MKLN1: variants seen among roughly 807,000 people sequenced by gnomAD.
MKLN1 encodes the protein muskelin 1.
Under a neutral mutation model 99.0 loss-of-function variants are expected in MKLN1, and 18 were observed. The observed-to-expected ratio is 0.18, with a 90% confidence interval of 0.13 to 0.27. The LOEUF (loss-of-function observed/expected upper bound fraction) is 0.27, where lower values mean the gene tolerates loss of function less well. Ranked by LOEUF, MKLN1 falls within the 10% of genes least tolerant of loss-of-function variation. The pLI is 1.00. For missense variants in MKLN1, 621 were observed against 875.9 expected (o/e 0.71, Z 3.67); for synonymous variants, 288 against 293.2 (o/e 0.98, Z 0.18).
At chr7:131,166,326 A>G (rs1011715959) in intron 2 of MKLN1, among the ~76,000 whole-genome samples, 6 of 152,176 alleles carry the variant, frequency 3.9e-5, no homozygotes, top group African/African-American at 1.4e-4. Context: ...TTTCGAGCAC[A>G]TTTAGCCCAT....
chr7:131,397,104 C>T (rs1342695351), intron 4 of MKLN1, among the ~76,000 whole-genome samples, 163 bp from the exon 5 acceptor site: 18 of 152,248 alleles, frequency 1.2e-4, no homozygotes, highest in Admixed American at 9.2e-4. Context: ...TCATCTGTTT[C>T]GTTTTACTGT....
At chr7:131,297,394 ATATATATACACAAATACTCTGTGTGTG>A (rs1377236924) in intron 3 of MKLN1, among the ~76,000 whole-genome samples, 2 of 137,464 alleles carry the variant, frequency 1.5e-5, no homozygotes, top group African/African-American at 5.3e-5. Flanking sequence ...GTGTGTGTGT[ATATATATACACAAATACTCTGTGTGTG>A]TGTGTGTACA....
intron 4 of MKLN1, among the ~76,000 whole-genome samples, chr7:131,395,508 T>C (rs1794334784): frequency 6.6e-6 from 1 of 150,616 alleles, no homozygotes; most frequent in African/African-American, 2.5e-5. Flanking sequence ...TTACTGCCAG[T>C]GTATGGTGGT....
chr7:131,315,475 G>C (rs1025879326), intron 3 of MKLN1, among the ~76,000 whole-genome samples: 1 of 152,198 alleles, frequency 6.6e-6, no homozygotes, highest in African/African-American at 2.4e-5. Flanking sequence ...AAACCAGGAG[G>C]CTGTTTGGGC....
intron 3 of MKLN1, among the ~76,000 whole-genome samples, chr7:131,229,700 C>A (rs1797213258): frequency 6.6e-6 from 1 of 152,114 alleles, no homozygotes; most frequent in Non-Finnish European, 1.5e-5. Flanking sequence ...GGACCACAAG[C>A]CCACGCCTCC....
At chr7:131,288,392 G>A (rs183131705) in intron 3 of MKLN1, among the ~76,000 whole-genome samples, 8 of 152,214 alleles carry the variant, frequency 5.3e-5, no homozygotes, top group South Asian at 2.1e-4. Context: ...CTCAGTATCC[G>A]CTTAAGTTCC....
At chr7:131,190,822 A>C (rs1354412680) in intron 2 of MKLN1, among the ~76,000 whole-genome samples, 1 of 152,090 alleles carries the variant, frequency 6.6e-6, no homozygotes, top group Non-Finnish European at 1.5e-5. Flanking sequence ...AGAGACTGGT[A>C]GTGGAAAATG....
At chr7:131,287,056 C>T (rs979695757) in intron 3 of MKLN1, among the ~76,000 whole-genome samples, 5 of 152,212 alleles carry the variant, frequency 3.3e-5, no homozygotes, top group South Asian at 2.1e-4. Flanking sequence ...GAGCCACAAT[C>T]GTGCCATTGC....
At chr7:131,250,936 A>AT (rs61277190) in intron 3 of MKLN1, among the ~76,000 whole-genome samples, 31 of 148,788 alleles carry the variant, frequency 2.1e-4, no homozygotes, top group South Asian at 1.3e-3. Flanking sequence ...TGGGAAGTTA[A>AT]TTTTTTTTTT....
At chr7:131,309,084 G>A (rs1426975141) in intron 3 of MKLN1, among the ~76,000 whole-genome samples, 3 of 152,202 alleles carry the variant, frequency 2.0e-5, no homozygotes, top group Non-Finnish European at 4.4e-5. Flanking sequence ...CGAATTGCAA[G>A]GGAACTAGAC....
At chr7:131,128,741 A>T (rs1795502138) in intron 1 of MKLN1, among the ~76,000 whole-genome samples, 1 of 150,096 alleles carries the variant, frequency 6.7e-6, no homozygotes, top group African/African-American at 2.5e-5. Context: ...GGTAGCTAGG[A>T]CAACAGGTGT....
chr7:131,396,301 G>A (rs1446001376), intron 4 of MKLN1, among the ~76,000 whole-genome samples: 7 of 152,120 alleles, frequency 4.6e-5, no homozygotes, highest in African/African-American at 1.2e-4. Flanking sequence ...TTGAATTCCT[G>A]GCCTCAAGTG....
At chr7:131,302,852 T>C (rs547934871) in intron 3 of MKLN1, among the ~76,000 whole-genome samples, 1 of 152,272 alleles carries the variant, frequency 6.6e-6, no homozygotes, top group East Asian at 1.9e-4. Context: ...TAGTCCACAC[T>C]GGGTGGATGA....
At chr7:131,450,384 A>T (rs1451503519) in intron 12 of MKLN1, among the ~76,000 whole-genome samples, 1 of 152,246 alleles carries the variant, frequency 6.6e-6, no homozygotes, top group Admixed American at 6.5e-5. Flanking sequence ...ATAAAGTGAC[A>T]GCCTTACCTT....
intron 3 of MKLN1, among the ~76,000 whole-genome samples, chr7:131,270,773 T>C (rs902595584): frequency 6.6e-6 from 1 of 152,146 alleles, no homozygotes; most frequent in Non-Finnish European, 1.5e-5. Context: ...AGAGAAAGGT[T>C]CTAAATAAAT....
rs1797357994 is a variant in MKLN1, at chr7:131,488,972, T to A, written c.*1244T>A. 1.3e-5 allele frequency: 2 copies of A among 152,202 alleles called. No individual in the cohort carries two copies. The highest frequency in any genetic ancestry group is 6.6e-5 in the Admixed American group (1 of 15,264). 9.4% of individuals were successfully genotyped at this position (152,202 alleles called of 1,614,324 possible). Reference sequence around the variant, plus strand: ...TGGAATGCAATGTGGGAAACCTACATCTGGCTAGTGCTTACATTTGCTCAA... The same window carrying A: ...TGGAATGCAATGTGGGAAACCTACAACTGGCTAGTGCTTACATTTGCTCAA... On this transcript the variant is annotated 3_prime_UTR_variant, in exon 18 of 18. Coordinates refer to ENST00000352689, the MANE Select transcript of MKLN1 (RefSeq NM_013255.5).
At chr7:131,463,407 A>G (rs1226950650) in intron 13 of MKLN1, 43 bp downstream of exon 13, 4 of 1,562,206 alleles carry the variant, frequency 2.6e-6, no homozygotes, top group Non-Finnish European at 3.5e-6. Flanking sequence ...TGTAATAATT[A>G]TTTGAGGTTG....
intron 2 of MKLN1, among the ~76,000 whole-genome samples, chr7:131,201,132 G>A (rs1474494788): frequency 6.6e-6 from 1 of 152,074 alleles, no homozygotes; most frequent in Admixed American, 6.6e-5. Flanking sequence ...CTATTCTCAT[G>A]CCTCAGCCTC....
At chr7:131,429,184 G>C in intron 9 of MKLN1, 39 bp downstream of exon 9, 1 of 1,387,938 alleles carries the variant, frequency 7.2e-7, no homozygotes, top group East Asian at 2.3e-5. Context: ...TATTACAGAA[G>C]GGGCGTAGAT....
Sources: allele counts gnomAD v4.1 joint callset (sites outside exome capture counted in the v4.1 genomes callset), GRCh38; gene constraint gnomAD v4.1.1; transcripts MANE v1.5; gene names NCBI Gene and HGNC (gene_info 2026-07-23, HGNC 2026-07-21).